PLAC8L1: variants seen among roughly 807,000 people sequenced by gnomAD.
The protein encoded by PLAC8L1 is PLAC8 like 1.
Under a neutral mutation model 16.3 loss-of-function variants are expected in PLAC8L1, and 13 were observed. The ratio of observed to expected loss-of-function variants is 0.80; its 90% CI spans 0.52 to 1.27. PLAC8L1 has a LOEUF of 1.27. Among genes scored for constraint, PLAC8L1 ranks in the 50% most tolerant of loss-of-function variants. The pLI, the probability that PLAC8L1 is intolerant of heterozygous loss-of-function variation, is 0.00. For missense variants in PLAC8L1, 184 were observed against 220.2 expected (o/e 0.84, Z 1.04); for synonymous variants, 78 against 79.3 (o/e 0.98, Z 0.09).
chr5:146,098,430 TCTCC>T, intron 1 of PLAC8L1, 138 bp from the exon 2 acceptor site: 2 of 668,304 alleles, frequency 3.0e-6, no homozygotes, highest in Non-Finnish European at 2.3e-6. Flanking sequence ...GACTTTGCCA[TCTCC>T]CTCCCTCCTC....
chr5:146,096,170 G>A (rs577172896), intron 2 of PLAC8L1, among the ~76,000 whole-genome samples: 5 of 152,260 alleles, frequency 3.3e-5, no homozygotes, highest in East Asian at 3.9e-4. Flanking sequence ...GCTGGCAATC[G>A]TTGGTGCTCC....
intron 1 of PLAC8L1, among the ~76,000 whole-genome samples, chr5:146,101,196 C>CAAAAAAAAA (rs35143616): frequency 1.2e-5 from 1 of 82,178 alleles, no homozygotes; most frequent in Non-Finnish European, 2.3e-5. Flanking sequence ...GACCCTGTCT[C>CAAAAAAAAA]AAAAAAAAAA....
rs1051678489 is a variant in PLAC8L1 at position 146,105,494 on chromosome 5, C to G, written c.-1183G>C. 7.7e-6 allele frequency among the ~76,000 whole-genome samples: 1 copy of G among 129,438 alleles called. No individual in the cohort carries two copies. The highest frequency in any genetic ancestry group is 1.6e-5 in the Non-Finnish European group (1 of 63,914). The allele number at this position is 129,438 out of a possible 152,430, so 84.9% of individuals were successfully genotyped here. ...CAGTGTCTGGCACATAAAAAGCACT[C>G]AATAATTTGTTGAATAAATGTGCCC... On this transcript the variant is annotated 5_prime_UTR_variant, in exon 1 of 4. Coordinates refer to ENST00000311450, the MANE Select transcript of PLAC8L1 (RefSeq NM_001029869.3).
chr5:146,088,031 C>T lies in PLAC8L1; in HGVS notation c.257-2434G>A, dbSNP rs1405410980. Among the ~76,000 whole-genome samples, 3 of 152,286 alleles carry T rather than the reference C, an allele frequency of 2.0e-5. 1 individual carries two copies. In the East Asian group the frequency reaches 5.8e-4, roughly 29 times the overall value. On this transcript the variant is annotated intron_variant, in intron 2 of 3. Transcript: ENST00000311450. ...CAGCTTCTAATGGTTTGGCACCATC[C>T]CCCCTTGGTACCATATAGTAATCCC...
rs762061764 is a variant in PLAC8L1 at position 146,085,452 on chromosome 5, C to T, written c.393+9G>A. On this transcript the variant is annotated intron_variant, in intron 3 of 3. Coordinates refer to ENST00000311450, the MANE Select transcript of PLAC8L1 (RefSeq NM_001029869.3). ...ATTCGGGTTCACGTATACCTTCAAA[C>T]ACACTTACCTGTATTTTATGTCTCT... is the stretch of plus-strand genomic sequence containing the variant. 9 of 1,613,066 alleles carry T rather than the reference C, an allele frequency of 5.6e-6. No homozygotes were observed. Among genetic ancestry groups the T allele is most frequent in the African/African-American group, 2.7e-5 (2 of 74,874 alleles).
intron 1 of PLAC8L1, 88 bp from the exon 2 acceptor site, chr5:146,098,380 A>G: frequency 7.4e-7 from 1 of 1,355,832 alleles, no homozygotes; most frequent in Non-Finnish European, 1.0e-6. Flanking sequence ...TAAAGAAGAG[A>G]TAGGGACCCA....
At position 146,085,459 on chromosome 5, in the gene PLAC8L1, A is replaced by G. The variant is rs766063650; in HGVS notation, c.393+2T>C. On this transcript the variant is annotated splice_donor_variant, in intron 3 of 3. Transcript: ENST00000311450. LOFTEE classifies it high-confidence loss of function. The stretch of plus-strand genomic sequence containing the variant: ...TTCACGTATACCTTCAAACACACTT[A>G]CCTGTATTTTATGTCTCTCCCTGGT... 6.2e-7 allele frequency: 1 copy of G among 1,613,834 alleles called. No individual in the cohort carries two copies. Among genetic ancestry groups the G allele is most frequent in the South Asian group, 1.1e-5 (1 of 91,026 alleles).
intron 1 of PLAC8L1, among the ~76,000 whole-genome samples, chr5:146,103,159 T>C (rs1176259478): frequency 6.6e-6 from 1 of 152,146 alleles, no homozygotes; most frequent in South Asian, 2.1e-4. Flanking sequence ...AAGACTCCCA[T>C]CTCTTCTTTC....
chr5:146,090,364 T>A (rs1763590888), intron 2 of PLAC8L1, among the ~76,000 whole-genome samples: 1 of 151,516 alleles, frequency 6.6e-6, no homozygotes, highest in Admixed American at 6.6e-5. Context: ...TGAAACCCCA[T>A]CTCCACAAAA....
At chr5:146,085,666 T>C in intron 2 of PLAC8L1, 69 bp from the exon 3 acceptor site, 1 of 1,519,180 alleles carries the variant, frequency 6.6e-7, no homozygotes, top group South Asian at 1.3e-5. Context: ...TCTCAAAGAA[T>C]ATTTACAACA....
At chr5:146,086,662 T>C (rs1763522029) in intron 2 of PLAC8L1, among the ~76,000 whole-genome samples, 2 of 152,326 alleles carry the variant, frequency 1.3e-5, no homozygotes, top group Non-Finnish European at 2.9e-5. Flanking sequence ...GAAAACTACA[T>C]GCACATAGAC....
At chr5:146,096,744 C>T (rs1418531124) in intron 2 of PLAC8L1, among the ~76,000 whole-genome samples, 1 of 152,180 alleles carries the variant, frequency 6.6e-6, no homozygotes, top group South Asian at 2.1e-4. Context: ...CAGATCTGCA[C>T]ATTTGTGCAT....
At chr5:146,093,453 G>A (rs187107701) in intron 2 of PLAC8L1, among the ~76,000 whole-genome samples, 82 of 152,282 alleles carry the variant, frequency 5.4e-4, no homozygotes, top group African/African-American at 1.4e-3. Flanking sequence ...CGAGGCTGTC[G>A]GGTCTTTGCC....
chr5:146,094,970 A>G (rs567717194), intron 2 of PLAC8L1, among the ~76,000 whole-genome samples: 2 of 152,344 alleles, frequency 1.3e-5, no homozygotes, highest in Admixed American at 1.3e-4. Context: ...CAATGGACAC[A>G]GTGATTTACT....
chr5:146,086,354 T>A (rs1019883630), intron 2 of PLAC8L1, among the ~76,000 whole-genome samples: 9 of 152,224 alleles, frequency 5.9e-5, no homozygotes, highest in African/African-American at 2.2e-4. Flanking sequence ...GTACACTAAT[T>A]CTGCCTCCTA....
intron 2 of PLAC8L1, among the ~76,000 whole-genome samples, chr5:146,096,985 G>A (rs760416704): frequency 6.6e-6 from 1 of 152,186 alleles, no homozygotes; most frequent in African/African-American, 2.4e-5. Context: ...TGTCCTGTGA[G>A]GCATTAGGAC....
intron 1 of PLAC8L1, among the ~76,000 whole-genome samples, chr5:146,103,030 A>AT: frequency 6.6e-6 from 1 of 152,214 alleles, no homozygotes; most frequent in East Asian, 1.9e-4. Flanking sequence ...TTCAGTTGTC[A>AT]TATGTGCTAC....
At position 146,104,216 on chromosome 5, in the gene PLAC8L1, A is replaced by G. The variant is rs1411233742; in HGVS notation, c.96T>C (p.Asp32=). The G allele has an allele frequency of 2.5e-6, 4 of 1,613,834 alleles. No homozygotes were observed. Among genetic ancestry groups the G allele is most frequent in the African/African-American group, 1.3e-5 (1 of 75,064 alleles). The change falls in exon 1 of 4, where the codon GAT becomes GAC. Residue 32 remains aspartate (D), a synonymous_variant. Coordinates refer to ENST00000311450, the MANE Select transcript of PLAC8L1 (RefSeq NM_001029869.3). ...SPLLSHMSSE[D]EHFISNLRGH... ...ACCTCAAGTTGGAAATAAAATGTTC[A>G]TCTTCAGATGACATGTGTGACAACA...
chr5:146,092,789 G>A (rs549197942), intron 2 of PLAC8L1, among the ~76,000 whole-genome samples: 1 of 152,174 alleles, frequency 6.6e-6, no homozygotes, highest in Non-Finnish European at 1.5e-5. Flanking sequence ...GCCCGCCTTG[G>A]CCTCCCAAAG....
Sources: gnomAD v4.1 joint callset for allele counts (sites outside exome capture counted in the v4.1 genomes callset) on GRCh38, gnomAD v4.1.1 for gene constraint, MANE v1.5 for transcripts, NCBI Gene and HGNC (gene_info 2026-07-23, HGNC 2026-07-21) for gene names.